PTPRK: variants seen among roughly 807,000 people sequenced by gnomAD.
PTPRK encodes receptor-type tyrosine-protein phosphatase kappa.
A neutral mutation model predicts 178.0 loss-of-function variants in PTPRK; 75 were observed. The observed-to-expected ratio is 0.42, with a 90% confidence interval of 0.35 to 0.51. The LOEUF is 0.51. Ranked by LOEUF, PTPRK falls within the 20% of genes least tolerant of loss-of-function variation. The probability of loss-of-function intolerance (pLI) is 0.02; values close to 1 mark genes in which losing one functional copy is unlikely to be tolerated. For synonymous variants in PTPRK, 637 were observed against 620.6 expected, an observed-to-expected ratio of 1.03 and a Z score of -0.39; for missense variants, 1,441 against 1,797.8, an observed-to-expected ratio of 0.80 and a Z score of 3.59.
chr6:128,061,736 G>A (rs530903247), intron 13 of PTPRK, among the ~76,000 whole-genome samples: 2 of 152,242 alleles, frequency 1.3e-5, no homozygotes, highest in African/African-American at 4.8e-5. Flanking sequence ...TCTGATAGAA[G>A]GAAACCTTCA....
chr6:128,124,245 T>A (rs916835560), intron 7 of PTPRK, among the ~76,000 whole-genome samples: 1 of 152,028 alleles, frequency 6.6e-6, no homozygotes, highest in Non-Finnish European at 1.5e-5. Flanking sequence ...GGTTTCGCCA[T>A]GTTGACCAGG....
At chr6:128,362,493 T>C (rs972030248) in intron 2 of PTPRK, among the ~76,000 whole-genome samples, 6 of 152,154 alleles carry the variant, frequency 3.9e-5, no homozygotes, top group Non-Finnish European at 5.9e-5. Flanking sequence ...AATAAGATCA[T>C]TTTACATATA....
intron 2 of PTPRK, among the ~76,000 whole-genome samples, chr6:128,356,065 C>T (rs1287076007): frequency 6.6e-6 from 1 of 152,096 alleles, no homozygotes; most frequent in Non-Finnish European, 1.5e-5. Flanking sequence ...TAGAGAAATG[C>T]CTAGGTCCCA....
chr6:128,029,805 G>A (rs772540023), intron 13 of PTPRK, among the ~76,000 whole-genome samples: 3 of 152,048 alleles, frequency 2.0e-5, no homozygotes, highest in Non-Finnish European at 4.4e-5. Flanking sequence ...TGATCCAGAT[G>A]TGCTGGAGAT....
intron 1 of PTPRK, among the ~76,000 whole-genome samples, chr6:128,414,013 C>A (rs1036034620): frequency 6.6e-6 from 1 of 151,988 alleles, no homozygotes; most frequent in South Asian, 2.1e-4. Context: ...GCTCATGGGT[C>A]ACAACTGGGA....
At chr6:128,493,960 AG>A (rs1427859651) in intron 1 of PTPRK, among the ~76,000 whole-genome samples, 1 of 152,246 alleles carries the variant, frequency 6.6e-6, no homozygotes, top group African/African-American at 2.4e-5. Context: ...AAGCTCCTAG[AG>A]GGCAAAACCT....
chr6:128,020,026 T>C (rs1773249712), intron 13 of PTPRK, among the ~76,000 whole-genome samples: 1 of 152,154 alleles, frequency 6.6e-6, no homozygotes, highest in Admixed American at 6.5e-5. Context: ...TAAGACTTTT[T>C]TGCCCACCTG....
At chr6:128,268,279 GA>G (rs1397174900) in intron 3 of PTPRK, among the ~76,000 whole-genome samples, 1 of 151,912 alleles carries the variant, frequency 6.6e-6, no homozygotes, top group Non-Finnish European at 1.5e-5. Context: ...TTTTAAAAGT[GA>G]AAAACGTATT....
At chr6:128,006,743 A>G (rs1226912912) in intron 14 of PTPRK, among the ~76,000 whole-genome samples, 1 of 151,064 alleles carries the variant, frequency 6.6e-6, no homozygotes, top group African/African-American at 2.4e-5. Flanking sequence ...ACCAATGAAA[A>G]AATGGCATAC....
chr6:128,193,293 A>G (rs1442384839), intron 6 of PTPRK, among the ~76,000 whole-genome samples: 1 of 151,328 alleles, frequency 6.6e-6, no homozygotes, highest in Non-Finnish European at 1.5e-5. Context: ...AAAAAAAAAA[A>G]AAAAAAAAAA....
At chr6:128,135,078 TCACACA>T (rs34254716) in intron 7 of PTPRK, among the ~76,000 whole-genome samples, 275 of 136,374 alleles carry the variant, frequency 2.0e-3, no homozygotes, top group African/African-American at 6.5e-3. Flanking sequence ...AATCATTCAA[TCACACA>T]CACACACACA....
chr6:127,987,752 A>G (rs558729190), intron 21 of PTPRK, among the ~76,000 whole-genome samples: 2 of 152,212 alleles, frequency 1.3e-5, no homozygotes, highest in South Asian at 4.1e-4. Context: ...GACACTGATT[A>G]TCCACATAAC....
intron 1 of PTPRK, among the ~76,000 whole-genome samples, chr6:128,497,930 T>C (rs1294084371): frequency 6.6e-6 from 1 of 152,178 alleles, no homozygotes; most frequent in Non-Finnish European, 1.5e-5. Flanking sequence ...GAAGTATTTT[T>C]AACAATAAGT....
At chr6:128,225,573 A>C (rs1583568354) in intron 5 of PTPRK, among the ~76,000 whole-genome samples, 1 of 152,344 alleles carries the variant, frequency 6.6e-6, no homozygotes, top group East Asian at 1.9e-4. Context: ...CCATTATTGA[A>C]GAACAAAATA....
At chr6:128,481,740 G>T (rs1273769918) in intron 1 of PTPRK, among the ~76,000 whole-genome samples, 2 of 151,914 alleles carry the variant, frequency 1.3e-5, no homozygotes, top group African/African-American at 2.4e-5. Context: ...TTGACTTGTT[G>T]ATAGGTAGTC....
At chr6:128,080,562 CA>C (rs1784638291) in intron 10 of PTPRK, among the ~76,000 whole-genome samples, 2 of 151,858 alleles carry the variant, frequency 1.3e-5, no homozygotes, top group African/African-American at 2.4e-5. Context: ...GAAGCAGAAA[CA>C]ACAAATATTA....
At chr6:128,473,150 A>C (rs561946920) in intron 1 of PTPRK, among the ~76,000 whole-genome samples, 2 of 152,148 alleles carry the variant, frequency 1.3e-5, no homozygotes, top group South Asian at 4.1e-4. Context: ...AATGCAAAAC[A>C]GTTCTTCAGC....
intron 1 of PTPRK, among the ~76,000 whole-genome samples, chr6:128,413,304 G>A (rs925497612): frequency 8.6e-5 from 13 of 151,938 alleles, no homozygotes; most frequent in Non-Finnish European, 1.5e-4. Flanking sequence ...GAGAACATTC[G>A]CTGGTCCCTT....
At chr6:128,262,450 T>C (rs1022491472) in intron 3 of PTPRK, among the ~76,000 whole-genome samples, 9 of 152,186 alleles carry the variant, frequency 5.9e-5, no homozygotes, top group African/African-American at 2.2e-4. Flanking sequence ...AAATGAGTTA[T>C]TTTAAAGAGT....
Sources: gnomAD v4.1 joint callset for allele counts (sites outside exome capture counted in the v4.1 genomes callset) on GRCh38, gnomAD v4.1.1 for gene constraint, MANE v1.5 for transcripts, NCBI Gene and HGNC (gene_info 2026-07-23, HGNC 2026-07-21) for gene names.